The following GABRR3 variants were observed in gnomAD, a reference collection of about 807,000 sequenced individuals.
GABRR3 encodes gamma-aminobutyric acid receptor subunit rho-3.
Under a neutral mutation model 43.2 loss-of-function variants are expected in GABRR3, and 29 were observed. The observed-to-expected ratio is 0.67, with a 90% confidence interval of 0.50 to 0.92. The LOEUF (loss-of-function observed/expected upper bound fraction) is 0.92, where lower values mean the gene tolerates loss of function less well. GABRR3 is among the 40% of genes least tolerant of loss of function. The probability of loss-of-function intolerance (pLI) is 0.00; values close to 1 mark genes in which losing one functional copy is unlikely to be tolerated. For missense variants in GABRR3, 576 were observed against 572.3 expected, an observed-to-expected ratio of 1.01 and a Z score of -0.07; for synonymous variants, 206 against 195.9, an observed-to-expected ratio of 1.05 and a Z score of -0.43.
rs531520797 is a variant in GABRR3, at chr3:98,029,226, C to T, written c.126-3547G>A. 3.9e-5 allele frequency among the ~76,000 whole-genome samples: 6 copies of T among 152,222 alleles called. 1 individual carries two copies. The highest frequency in any genetic ancestry group is 6.8e-3 in the Middle Eastern group (2 of 294). On this transcript the variant is annotated intron_variant, in intron 2 of 9. Coordinates refer to ENST00000621172, the Ensembl canonical transcript of GABRR3. ...ATTATGAAGATTGAGAAACAGTAGG[C>T]GTGAGTCTTGGTAATAGGTGTGGTT... is the stretch of plus-strand genomic sequence containing the variant.
intron 9 of GABRR3, among the ~76,000 whole-genome samples, chr3:97,989,639 A>C (rs1342278988): frequency 6.6e-6 from 1 of 151,876 alleles, no homozygotes; most frequent in Non-Finnish European, 1.5e-5. Flanking sequence ...TCCTTTGGCC[A>C]CTCTACTGTA....
exon 5 of GABRR3, chr3:98,012,445 A>G: frequency 6.2e-7 from 1 of 1,613,954 alleles, no homozygotes; most frequent in Non-Finnish European, 8.5e-7. Context: ...CAAAAAAGAT[A>G]TCAGGCACCC....
At chr3:98,005,366 T>C (rs1706712292) in intron 7 of GABRR3, among the ~76,000 whole-genome samples, 1 of 152,178 alleles carries the variant, frequency 6.6e-6, no homozygotes, top group African/African-American at 2.4e-5. Context: ...AGAATATTAA[T>C]GTATTATGGA....
intron 4 of GABRR3, among the ~76,000 whole-genome samples, chr3:98,014,877 TA>T (rs1420082532): frequency 3.3e-4 from 50 of 152,328 alleles, no homozygotes; most frequent in African/African-American, 1.1e-3. Context: ...TTTTTATCTT[TA>T]ATTGCAGTAT....
intron 9 of GABRR3, among the ~76,000 whole-genome samples, chr3:97,987,561 G>T (rs913088049): frequency 6.6e-6 from 1 of 152,084 alleles, no homozygotes; most frequent in Admixed American, 6.6e-5. Context: ...ATAGAGAGAG[G>T]CTACTATCGG....
chr3:98,011,300 C>T (rs556906025), intron 5 of GABRR3, among the ~76,000 whole-genome samples: 34 of 152,282 alleles, frequency 2.2e-4, no homozygotes, highest in Middle Eastern at 3.4e-3. Flanking sequence ...TTTAATACAA[C>T]AGAAATTTAT....
intron 7 of GABRR3, among the ~76,000 whole-genome samples, chr3:98,002,978 T>C (rs1179532931): frequency 6.6e-6 from 1 of 152,164 alleles, no homozygotes; most frequent in African/African-American, 2.4e-5. Context: ...CTTAGAATCC[T>C]ATTCTCAATG....
chr3:98,022,113 G>T (rs1231468303), intron 3 of GABRR3, among the ~76,000 whole-genome samples: 1 of 152,134 alleles, frequency 6.6e-6, no homozygotes, highest in Admixed American at 6.5e-5. Context: ...CTTTTGTCTT[G>T]ACTCTGTAGC....
At chr3:98,014,589 T>C (rs901858160) in intron 4 of GABRR3, among the ~76,000 whole-genome samples, 3 of 152,102 alleles carry the variant, frequency 2.0e-5, no homozygotes, top group African/African-American at 4.8e-5. Flanking sequence ...AAGACTTACA[T>C]TGAGCTGAAA....
intron 8 of GABRR3, chr3:97,999,047 T>C (rs1031908730): frequency 6.6e-6 from 1 of 152,058 alleles, no homozygotes; most frequent in Non-Finnish European, 1.5e-5. Flanking sequence ...AAGAAGGAAA[T>C]TGAGGTTTCA....
At chr3:98,020,303 A>G (rs1576047730) in intron 3 of GABRR3, among the ~76,000 whole-genome samples, 2 of 152,094 alleles carry the variant, frequency 1.3e-5, no homozygotes, top group African/African-American at 4.8e-5. Flanking sequence ...TGAGGACTAG[A>G]CATAGTACAG....
At chr3:97,999,132 C>T (rs1282474338) in intron 8 of GABRR3, 1 of 152,102 alleles carries the variant, frequency 6.6e-6, no homozygotes, top group African/African-American at 2.4e-5. Flanking sequence ...GGCTTCCCTG[C>T]TAACCCATTA....
intron 2 of GABRR3, among the ~76,000 whole-genome samples, chr3:98,026,219 G>A (rs1707013476): frequency 6.6e-6 from 1 of 152,202 alleles, no homozygotes; most frequent in Non-Finnish European, 1.5e-5. Flanking sequence ...CAGGGTGCAG[G>A]CTGAGAGCGC....
intron 2 of GABRR3, among the ~76,000 whole-genome samples, chr3:98,031,666 A>C (rs1419711477): frequency 1.3e-5 from 2 of 152,018 alleles, no homozygotes; most frequent in Non-Finnish European, 2.9e-5. Context: ...CCACTTGAGC[A>C]CAGGTGTTTG....
At chr3:98,031,620 G>A (rs1010021172) in intron 2 of GABRR3, among the ~76,000 whole-genome samples, 1 of 152,056 alleles carries the variant, frequency 6.6e-6, no homozygotes, top group Non-Finnish European at 1.5e-5. Context: ...GCACACGCCT[G>A]TTGTCCCAGC....
intron 8 of GABRR3, among the ~76,000 whole-genome samples, chr3:97,995,600 G>C (rs374781839): frequency 5.8e-4 from 83 of 144,286 alleles, no homozygotes; most frequent in African/African-American, 2.0e-3. Flanking sequence ...TTTAAGATGA[G>C]TAATTAAAAA....
At chr3:97,998,950 G>A (rs1706596366) in intron 8 of GABRR3, 1 of 152,034 alleles carries the variant, frequency 6.6e-6, no homozygotes, top group African/African-American at 2.4e-5. Flanking sequence ...ACGACCCACA[G>A]CAACAAAAGC....
intron 2 of GABRR3, among the ~76,000 whole-genome samples, chr3:98,028,008 C>G (rs1254637861): frequency 6.6e-6 from 1 of 151,876 alleles, no homozygotes; most frequent in Non-Finnish European, 1.5e-5. Context: ...CATCATGTAC[C>G]TTTGTAAGAA....
chr3:97,987,625 A>T (rs72916393), intron 9 of GABRR3, among the ~76,000 whole-genome samples: 2 of 152,336 alleles, frequency 1.3e-5, no homozygotes, highest in African/African-American at 2.4e-5. Flanking sequence ...CTGCCAAAAC[A>T]TGTCTTCGAT....
Sources: gnomAD v4.1 joint callset for allele counts (sites outside exome capture counted in the v4.1 genomes callset) on GRCh38, gnomAD v4.1.1 for gene constraint, MANE v1.5 for transcripts, NCBI Gene and HGNC (gene_info 2026-07-23, HGNC 2026-07-21) for gene names.